HIBCH: variants seen among roughly 807,000 people sequenced by gnomAD.
HIBCH encodes 3-hydroxyisobutyryl-CoA hydrolase, mitochondrial.
In HIBCH, 50 loss-of-function variants were observed where a neutral mutation model predicts 58.2. That is an observed-to-expected ratio of 0.86 (90% CI 0.68 to 1.09). The LOEUF (loss-of-function observed/expected upper bound fraction) is 1.09. Among genes scored for constraint, HIBCH ranks in the 50% least tolerant of loss-of-function variants. The pLI is 0.00. For missense variants in HIBCH, 450 were observed against 449.7 expected (o/e 1.00, Z -0.01); for synonymous variants, 151 against 146.9 (o/e 1.03, Z -0.20).
intron 11 of HIBCH, among the ~76,000 whole-genome samples, chr2:190,233,823 C>G (rs1686183785): frequency 6.6e-6 from 1 of 152,144 alleles, no homozygotes. Flanking sequence ...TAATGTCATG[C>G]TATTTTATAT....
At chr2:190,269,376 C>A (rs911188828) in intron 6 of HIBCH, among the ~76,000 whole-genome samples, 6 of 151,604 alleles carry the variant, frequency 4.0e-5, no homozygotes, top group African/African-American at 1.2e-4. Context: ...GGAACTGAAA[C>A]AAATTTACAA....
chr2:190,251,012 C>G (rs1686748899), intron 8 of HIBCH, among the ~76,000 whole-genome samples: 1 of 152,156 alleles, frequency 6.6e-6, no homozygotes, highest in South Asian at 2.1e-4. Context: ...AGTATAATCT[C>G]TGGCATCCTT....
chr2:190,288,003 T>C (rs541334066), intron 5 of HIBCH, among the ~76,000 whole-genome samples: 1 of 151,894 alleles, frequency 6.6e-6, no homozygotes, highest in East Asian at 1.9e-4. Context: ...AAAAAAAGTA[T>C]AGCCAGGTGT....
At chr2:190,249,584 A>T (rs1178873595) in intron 9 of HIBCH, 56 bp downstream of exon 9, 2 of 982,996 alleles carry the variant, frequency 2.0e-6, no homozygotes, top group Non-Finnish European at 3.2e-6. Context: ...CCAGTTTTTT[A>T]ATCACTTCCC....
rs1690519045 is a variant in HIBCH at position 190,211,903 on chromosome 2, G to A, written c.1011+1053C>T. ...AGGCAAGAATCAATCAATCTAGGCAGTGCACTAAAAGTGTAATGAAAAACA... is the reference window on the plus strand; with the variant it reads ...AGGCAAGAATCAATCAATCTAGGCAATGCACTAAAAGTGTAATGAAAAACA... On this transcript the variant is annotated intron_variant, in intron 12 of 13. Coordinates refer to ENST00000359678, the MANE Select transcript of HIBCH (RefSeq NM_014362.4). This position sits in a 1 kb window ranked among gnomAD's most constrained non-coding sequence, Gnocchi z 5.0. 6.6e-6 allele frequency among the ~76,000 whole-genome samples: 1 copy of A among 152,204 alleles called. No homozygotes were observed. Among genetic ancestry groups the A allele is most frequent in the South Asian group, 2.1e-4 (1 of 4,820 alleles).
At chr2:190,282,764 T>C (rs892232467) in intron 6 of HIBCH, among the ~76,000 whole-genome samples, 2 of 151,744 alleles carry the variant, frequency 1.3e-5, no homozygotes, top group African/African-American at 4.8e-5. Context: ...TCAACGGCTA[T>C]ACAAGATGTT....
At chr2:190,242,351 G>A (rs994109470) in intron 11 of HIBCH, among the ~76,000 whole-genome samples, 1 of 151,842 alleles carries the variant, frequency 6.6e-6, no homozygotes, top group Non-Finnish European at 1.5e-5. Context: ...TAGCTTCCTT[G>A]CATTGGGTTA....
intron 11 of HIBCH, among the ~76,000 whole-genome samples, chr2:190,237,248 C>T (rs553593259): frequency 2.6e-4 from 39 of 152,298 alleles, no homozygotes; most frequent in South Asian, 6.2e-4. Context: ...CCTCTGGCAA[C>T]TGATCTGTTT....
intron 11 of HIBCH, among the ~76,000 whole-genome samples, chr2:190,241,548 T>G (rs116273757): frequency 0.019 from 2,893 of 152,320 alleles, 97 homozygotes; most frequent in African/African-American, 0.065. Flanking sequence ...ATGCAGTTTC[T>G]TCATAGTGTT....
At position 190,206,072 on chromosome 2, in the gene HIBCH, A is replaced by G. The variant is rs553101551; in HGVS notation, c.1046-840T>C. Among the ~76,000 whole-genome samples the G allele has an allele frequency of 1.1e-4, 17 of 152,336 alleles. No individual in the cohort carries two copies. Among genetic ancestry groups the G allele is most frequent in the African/African-American group, 3.8e-4 (16 of 41,572 alleles). On this transcript the variant is annotated intron_variant, in intron 13 of 13. Coordinates refer to ENST00000359678, the MANE Select transcript of HIBCH (RefSeq NM_014362.4). This position sits in a 1 kb window ranked among gnomAD's most constrained non-coding sequence, Gnocchi z 5.1. ...CACATAATTCTTGTGAAGAATGGAA[A>G]TATTTAAATGTGCAAACTATAGTGA...
intron 8 of HIBCH, among the ~76,000 whole-genome samples, chr2:190,250,887 G>A (rs1686744007): frequency 6.6e-6 from 1 of 152,156 alleles, no homozygotes; most frequent in Admixed American, 6.5e-5. Context: ...TGACCAAACA[G>A]TACATTTTTA....
chr2:190,212,867 T>C lies in HIBCH; in HGVS notation c.1011+89A>G, dbSNP rs1690543631. On this transcript the variant is annotated intron_variant, in intron 12 of 13. Coordinates refer to ENST00000359678, the MANE Select transcript of HIBCH (RefSeq NM_014362.4). ...AATTTACAGGTGGTTTTAATTTTCTTGTTTGCACTTAGTGTATTTTACAAG... is the reference window on the plus strand; with the variant it reads ...AATTTACAGGTGGTTTTAATTTTCTCGTTTGCACTTAGTGTATTTTACAAG... 1.4e-5 allele frequency: 17 copies of C among 1,174,740 alleles called. No homozygotes were observed. The East Asian group carries it at 4.2e-4, about 29-fold the overall frequency. The allele number at this position is 1,174,740 out of a possible 1,614,324, so 72.8% of individuals were successfully genotyped here. A position where few individuals can be genotyped will look rare whatever the true frequency, so the allele number is the denominator to read the frequency against.
chr2:190,311,058 CA>C (rs777695890), intron 1 of HIBCH: 38 of 629,382 alleles, frequency 6.0e-5, no homozygotes, highest in African/African-American at 5.6e-4. Context: ...GAAGACAAAC[CA>C]ATTTCAATAC....
rs3791793 is a variant in HIBCH, at chr2:190,262,162, A to T, written c.439-928T>A. 2.9e-3 allele frequency among the ~76,000 whole-genome samples: 290 copies of T among 99,832 alleles called. 3 individuals are homozygous for T. The highest frequency in any genetic ancestry group is 8.2e-3 in the East Asian group (19 of 2,312). 65.5% of individuals were successfully genotyped at this position (99,832 alleles called of 152,430 possible). A position where few individuals can be genotyped will look rare whatever the true frequency, so the allele number is the denominator to read the frequency against. ...AAAGCTGGTTTTATATGCGGTAGAG[A>T]CAAAAAAAAAAAAAAGAAAAGAAAA... On this transcript the variant is annotated intron_variant, in intron 6 of 13. Transcript: ENST00000359678.
intron 1 of HIBCH, among the ~76,000 whole-genome samples, chr2:190,314,243 G>A (rs1019174313): frequency 9.8e-5 from 14 of 143,226 alleles, no homozygotes; most frequent in African/African-American, 3.4e-4. Context: ...ATATTTATAG[G>A]TCACAAAAAT....
intron 11 of HIBCH, among the ~76,000 whole-genome samples, chr2:190,234,967 T>C (rs1686224930): frequency 6.6e-6 from 1 of 152,200 alleles, no homozygotes; most frequent in Non-Finnish European, 1.5e-5. Flanking sequence ...TGTTTCTTTG[T>C]GGCAGACTGC....
chr2:190,313,598 T>C (rs1425455774), intron 1 of HIBCH, among the ~76,000 whole-genome samples: 2 of 147,202 alleles, frequency 1.4e-5, no homozygotes, highest in South Asian at 4.3e-4. Context: ...TGAGCCGAGA[T>C]TGTGCCACTG....
intron 11 of HIBCH, among the ~76,000 whole-genome samples, chr2:190,220,768 C>G (rs924845091): frequency 6.6e-6 from 1 of 151,888 alleles, no homozygotes; most frequent in Non-Finnish European, 1.5e-5. Flanking sequence ...CCATCTATTA[C>G]CTTAGGTGAA....
intron 11 of HIBCH, among the ~76,000 whole-genome samples, chr2:190,242,669 A>C (rs563747726): frequency 6.6e-6 from 1 of 152,276 alleles, no homozygotes; most frequent in African/African-American, 2.4e-5. Context: ...CAGAATGGGT[A>C]GTAGGAGGAG....
Sources: gnomAD v4.1 joint callset for allele counts (sites outside exome capture counted in the v4.1 genomes callset) on GRCh38, gnomAD v4.1.1 for gene constraint, Gnocchi (gnomAD v3.1) non-coding constraint, MANE v1.5 for transcripts, NCBI Gene and HGNC (gene_info 2026-07-23, HGNC 2026-07-21) for gene names.